KCNQ1: variants seen among roughly 807,000 people sequenced by gnomAD.
The protein encoded by KCNQ1 is potassium voltage-gated channel subfamily Q member 1, also known as potassium voltage-gated channel subfamily KQT member 1.
A neutral mutation model predicts 72.4 loss-of-function variants in KCNQ1; 49 were observed. That is an observed-to-expected ratio of 0.68 (90% confidence interval 0.54 to 0.86). The LOEUF is 0.86. Among genes scored for constraint, KCNQ1 ranks in the 40% least tolerant of loss-of-function variants. The pLI, the probability that KCNQ1 is intolerant of heterozygous loss-of-function variation, is 0.00. For missense variants in KCNQ1, 790 were observed against 945.1 expected (o/e 0.84, Z 2.15); for synonymous variants, 450 against 412.6 (o/e 1.09, Z -1.10).
chr11:2,709,184 GC>G (rs936897098), intron 11 of KCNQ1, among the ~76,000 whole-genome samples: 2 of 151,976 alleles, frequency 1.3e-5, no homozygotes, highest in Non-Finnish European at 2.9e-5. Context: ...TGGCCCTGGA[GC>G]GTGGGAGCCT....
intron 10 of KCNQ1, chr11:2,628,888 G>A (rs2133813483): frequency 2.5e-6 from 1 of 398,248 alleles, no homozygotes; most frequent in East Asian, 3.6e-5. Flanking sequence ...TCCCCATTGT[G>A]TACTCTTGGT....
At chr11:2,702,762 G>C (rs1850838543) in intron 11 of KCNQ1, among the ~76,000 whole-genome samples, 1 of 152,142 alleles carries the variant, frequency 6.6e-6, no homozygotes, top group Non-Finnish European at 1.5e-5. Flanking sequence ...AGGTCTCCTT[G>C]AGTACTCTTA....
chr11:2,746,686 C>T lies in KCNQ1; in HGVS notation c.1515-22158C>T, dbSNP rs1304262255. On this transcript the variant is annotated intron_variant, in intron 11 of 15. Coordinates refer to ENST00000155840, the MANE Select transcript of KCNQ1 (RefSeq NM_000218.3). This position sits in a 1 kb window ranked among gnomAD's most constrained non-coding sequence, Gnocchi z 5.9. ...GCCCTGTTCCGAGGGCCCATCCTGT[C>T]GGTGTGGCTCGTCATGGGCGATGCT... is the stretch of plus-strand genomic sequence containing the variant. 2.0e-5 allele frequency among the ~76,000 whole-genome samples: 3 copies of T among 152,246 alleles called. No homozygotes were observed. Among genetic ancestry groups the T allele is most frequent in the Non-Finnish European group, 4.4e-5 (3 of 68,042 alleles).
rs980077173 is a variant in KCNQ1, at chr11:2,624,683, C to T, written c.1393+35829C>T. The T allele has an allele frequency of 5.0e-6, 2 of 398,430 alleles. No individual in the cohort carries two copies. Among genetic ancestry groups the T allele is most frequent in the Non-Finnish European group, 8.8e-6 (2 of 226,044 alleles). 24.7% of individuals were successfully genotyped at this position (398,430 alleles called of 1,614,324 possible). On this transcript the variant is annotated intron_variant, in intron 10 of 15. Coordinates refer to ENST00000155840, the MANE Select transcript of KCNQ1 (RefSeq NM_000218.3). This position sits in a 1 kb window ranked among gnomAD's most constrained non-coding sequence, Gnocchi z 4.9. ...TGCAATCATCACTATCATCCATCTC[C>T]ATAACACTTGTCATTTGTAATTATG...
chr11:2,639,062 C>T (rs1328299903), intron 10 of KCNQ1: 2 of 152,128 alleles, frequency 1.3e-5, no homozygotes, highest in Non-Finnish European at 2.9e-5. Flanking sequence ...TTTTCTGCTC[C>T]ATCATGTCAT....
chr11:2,567,312 T>G lies in KCNQ1; in HGVS notation c.478-3316T>G, dbSNP rs1433829077. ...CAGGGTTAGGAGGGTGGCTGGGGCA[T>G]CACCCACCTGGGGTCTGGACTGCTG... is the stretch of plus-strand genomic sequence containing the variant. On this transcript the variant is annotated intron_variant, in intron 2 of 15. Coordinates refer to ENST00000155840, the MANE Select transcript of KCNQ1 (RefSeq NM_000218.3). This position sits in a 1 kb window ranked among gnomAD's most constrained non-coding sequence, Gnocchi z 6.6. Among the ~76,000 whole-genome samples the G allele has an allele frequency of 6.6e-6, 1 of 152,096 alleles. No individual in the cohort carries two copies. Among genetic ancestry groups the G allele is most frequent in the Admixed American group, 6.5e-5 (1 of 15,286 alleles).
At position 2,542,891 on chromosome 11, in the gene KCNQ1, T is replaced by C. The variant is rs752034493; in HGVS notation, c.477+14873T>C. The stretch of plus-strand genomic sequence containing the variant: ...TTTGTAGGGACTTATATTTCCTTTC[T>C]GCATGGGTAAATACCTAGGTATAGA... On this transcript the variant is annotated intron_variant, in intron 2 of 15. Transcript: ENST00000155840. Among the ~76,000 whole-genome samples, 4 of 152,352 alleles carry C rather than the reference T, an allele frequency of 2.6e-5. No homozygotes were observed. The South Asian group carries it at 8.3e-4, about 32-fold the overall frequency.
Position 2,677,312 on chromosome 11 carries a change from A to G in KCNQ1, c.1514+15231A>G. On this transcript the variant is annotated intron_variant, in intron 11 of 15. Transcript: ENST00000155840. The surrounding 1 kb of genome is among the most constrained non-coding windows in gnomAD (Gnocchi z 4.5). ...AATAGGAGATTTCATCAAGTTAAAG[A>G]AAATGATGTCAAATGATTTCTCAAA... 1 of 398,658 alleles carries G rather than the reference A, an allele frequency of 2.5e-6. No individual in the cohort carries two copies. Among genetic ancestry groups the G allele is most frequent in the Non-Finnish European group, 4.4e-6 (1 of 226,070 alleles). 24.7% of individuals were successfully genotyped at this position (398,658 alleles called of 1,614,324 possible). A position where few individuals can be genotyped will look rare whatever the true frequency, so the allele number is the denominator to read the frequency against.
rs890755466 is a variant in KCNQ1, at chr11:2,456,946, A to C, written c.386+11462A>C. Among the ~76,000 whole-genome samples the C allele has an allele frequency of 1.8e-4, 26 of 143,658 alleles. 2 individuals are homozygous for C. Among genetic ancestry groups the C allele is most frequent in the Non-Finnish European group, 3.4e-4 (23 of 67,264 alleles). The allele number at this position is 143,658 out of a possible 152,430, so 94.2% of individuals were successfully genotyped here. A position where few individuals can be genotyped will look rare whatever the true frequency, so the allele number is the denominator to read the frequency against. ...AGAGCAAGACTCGGTCTCAAAAAAA[A>C]AAAAAAAAAAAAAAAAAAACCCAAA... On this transcript the variant is annotated intron_variant, in intron 1 of 15. Coordinates refer to ENST00000155840, the MANE Select transcript of KCNQ1 (RefSeq NM_000218.3).
intron 10 of KCNQ1, chr11:2,641,972 C>T (rs1849586426): frequency 2.5e-6 from 1 of 398,460 alleles, no homozygotes; most frequent in East Asian, 3.6e-5. Context: ...AGGTTCTACT[C>T]TGTTCCATTG....
chr11:2,621,309 A>G lies in KCNQ1; in HGVS notation c.1393+32455A>G. ...TTTGCATTTCTGATTATTAGTGATC[A>G]TGAGAATGTTTTTTTGTTTGGCTAC... On this transcript the variant is annotated intron_variant, in intron 10 of 15. Transcript: ENST00000155840. The surrounding 1 kb of genome is among the most constrained non-coding windows in gnomAD (Gnocchi z 5.7). 1 of 398,532 alleles carries G rather than the reference A, an allele frequency of 2.5e-6. No homozygotes were observed. Among genetic ancestry groups the G allele is most frequent in the East Asian group, 3.6e-5 (1 of 28,072 alleles). 24.7% of individuals were successfully genotyped at this position (398,532 alleles called of 1,614,324 possible). A position where few individuals can be genotyped will look rare whatever the true frequency, so the allele number is the denominator to read the frequency against.
chr11:2,638,434 A>C (rs1431296212), intron 10 of KCNQ1: 6 of 152,074 alleles, frequency 3.9e-5, no homozygotes, highest in Non-Finnish European at 7.4e-5. Context: ...TCACTTATGA[A>C]GCTTAGTTTG....
At chr11:2,834,290 G>A (rs1848017312) in intron 15 of KCNQ1, among the ~76,000 whole-genome samples, 1 of 152,164 alleles carries the variant, frequency 6.6e-6, no homozygotes, top group Admixed American at 6.5e-5. Flanking sequence ...GTGTCCAGGT[G>A]GGGCAGATCA....
Position 2,481,826 on chromosome 11 carries a change from T to C in KCNQ1, c.386+36342T>C, listed in dbSNP as rs1378973415. ...AGTTGCAGGAAAACAAGCTCAGGGCTCTCACTGATTCTACATTATGGTGAG... is the reference window on the plus strand; with the variant it reads ...AGTTGCAGGAAAACAAGCTCAGGGCCCTCACTGATTCTACATTATGGTGAG... On this transcript the variant is annotated intron_variant, in intron 1 of 15. Coordinates refer to ENST00000155840, the MANE Select transcript of KCNQ1 (RefSeq NM_000218.3). This position sits in a 1 kb window ranked among gnomAD's most constrained non-coding sequence, Gnocchi z 4.6. Among the ~76,000 whole-genome samples the C allele has an allele frequency of 6.6e-6, 1 of 152,208 alleles. No individual in the cohort carries two copies. The highest frequency in any genetic ancestry group is 1.5e-5 in the Non-Finnish European group (1 of 68,040).
At chr11:2,503,947 G>A (rs1435648854) in intron 1 of KCNQ1, among the ~76,000 whole-genome samples, 1 of 152,118 alleles carries the variant, frequency 6.6e-6, no homozygotes, top group Non-Finnish European at 1.5e-5. Context: ...TAAAAATAGA[G>A]CTACCTCTGA....
chr11:2,591,102 T>C (rs941887510), intron 10 of KCNQ1, among the ~76,000 whole-genome samples: 1 of 152,218 alleles, frequency 6.6e-6, no homozygotes. Flanking sequence ...TTACCAGCAG[T>C]TGTAAGGATG....
intron 11 of KCNQ1, chr11:2,684,982 G>A (rs1850459249): frequency 1.5e-5 from 6 of 398,520 alleles, no homozygotes; most frequent in East Asian, 1.1e-4. Flanking sequence ...CCAATTTTAC[G>A]GACTGGTTGC....
chr11:2,827,569 G>A lies in KCNQ1; in HGVS notation c.1795-20198G>A, dbSNP rs1175485037. Among the ~76,000 whole-genome samples the A allele has an allele frequency of 6.7e-6, 1 of 149,078 alleles. No homozygotes were observed. Among genetic ancestry groups the A allele is most frequent in the Non-Finnish European group, 1.5e-5 (1 of 67,302 alleles). ...GTCGCTGCAAGGGCCCCTGGGGACG[G>A]AGTCTCTATTCCAGGCAGGCAAACA... is the stretch of plus-strand genomic sequence containing the variant. On this transcript the variant is annotated intron_variant, in intron 15 of 15. Transcript: ENST00000155840. The surrounding 1 kb of genome is among the most constrained non-coding windows in gnomAD (Gnocchi z 6.7).
At chr11:2,742,865 G>A (rs79408871) in intron 11 of KCNQ1, among the ~76,000 whole-genome samples, 7,229 of 152,268 alleles carry the variant, frequency 0.047, 257 homozygotes, top group Middle Eastern at 0.1. Context: ...AGACCCACAG[G>A]AAATCCAGTG....
Sources: gnomAD v4.1 joint callset for allele counts (sites outside exome capture counted in the v4.1 genomes callset) on GRCh38, gnomAD v4.1.1 for gene constraint, Gnocchi (gnomAD v3.1) non-coding constraint, MANE v1.5 for transcripts, NCBI Gene and HGNC (gene_info 2026-07-23, HGNC 2026-07-21) for gene names.